Variants in PTPN12 observed in about 807,000 individuals in gnomAD.
PTPN12 encodes protein tyrosine phosphatase non-receptor type 12, also known as tyrosine-protein phosphatase non-receptor type 12.
A neutral mutation model predicts 97.6 loss-of-function variants in PTPN12; 29 were observed. That is an observed-to-expected ratio of 0.30 (90% CI 0.22 to 0.41). PTPN12 has a LOEUF of 0.41. Ranked by LOEUF, PTPN12 falls within the 10% of genes least tolerant of loss-of-function variation. The pLI, the probability that PTPN12 is intolerant of heterozygous loss-of-function variation, is 1.00. For missense variants in PTPN12, 819 were observed against 926.0 expected, an observed-to-expected ratio of 0.88 and a Z score of 1.50; for synonymous variants, 327 against 300.4, an observed-to-expected ratio of 1.09 and a Z score of -0.91.
chr7:77,602,907 A>G (rs936706370), intron 8 of PTPN12, among the ~76,000 whole-genome samples: 2 of 152,182 alleles, frequency 1.3e-5, no homozygotes, highest in Non-Finnish European at 2.9e-5. Flanking sequence ...TTTCAAACTT[A>G]AGAGATTTAT....
chr7:77,606,288 T>C (rs1332726514), intron 8 of PTPN12, among the ~76,000 whole-genome samples: 1 of 151,426 alleles, frequency 6.6e-6, no homozygotes, highest in African/African-American at 2.4e-5. Flanking sequence ...TAAATGTCTC[T>C]GTAAGACGTT....
At chr7:77,543,029 A>G (rs1311471532) in intron 1 of PTPN12, among the ~76,000 whole-genome samples, 1 of 152,068 alleles carries the variant, frequency 6.6e-6, no homozygotes. Flanking sequence ...TGTTCCTGAG[A>G]AGGTGTGGTC....
chr7:77,638,760 A>T (rs998847738), intron 17 of PTPN12, 29 bp downstream of exon 17: 1 of 1,587,336 alleles, frequency 6.3e-7, no homozygotes, highest in African/African-American at 1.4e-5. Flanking sequence ...AATTTTTAGT[A>T]AGTAGTTAAC....
At position 77,574,138 on chromosome 7, in the gene PTPN12, C is replaced by T. The variant is rs78375240; in HGVS notation, c.208+2952C>T. 3.0e-4 allele frequency among the ~76,000 whole-genome samples: 46 copies of T among 152,300 alleles called. 1 individual carries two copies. The highest frequency in any genetic ancestry group is 1.0e-3 in the African/African-American group (43 of 41,558). ...ATGTTAGTCAAGGTGATGGACGATA[C>T]ATATTAACATATATGGTCTGTCATG... On this transcript the variant is annotated intron_variant, in intron 2 of 17. Transcript: ENST00000248594.
chr7:77,571,845 A>C (rs1004425143), intron 2 of PTPN12, among the ~76,000 whole-genome samples: 3 of 152,130 alleles, frequency 2.0e-5, no homozygotes, highest in African/African-American at 7.2e-5. Context: ...GGTGTGAGCC[A>C]CTGCGCCCTG....
At chr7:77,552,889 A>C (rs183270077) in intron 1 of PTPN12, among the ~76,000 whole-genome samples, 91 of 152,286 alleles carry the variant, frequency 6.0e-4, no homozygotes, top group African/African-American at 2.2e-3. Flanking sequence ...GTAATGTTTG[A>C]ATTAGTAAGA....
intron 12 of PTPN12, among the ~76,000 whole-genome samples, chr7:77,619,864 C>T (rs181363809): frequency 6.6e-6 from 1 of 152,178 alleles, no homozygotes; most frequent in East Asian, 1.9e-4. Context: ...GGTTAGGTCT[C>T]AACATTTAAA....
chr7:77,583,160 G>A (rs1416252134), intron 3 of PTPN12, among the ~76,000 whole-genome samples: 1 of 152,156 alleles, frequency 6.6e-6, no homozygotes, highest in Non-Finnish European at 1.5e-5. Flanking sequence ...AGGTAGCTAT[G>A]GAAGAAACTA....
At chr7:77,625,514 T>TCACTCA (rs1789128583) in intron 12 of PTPN12, among the ~76,000 whole-genome samples, 1 of 105,634 alleles carries the variant, frequency 9.5e-6, no homozygotes, top group African/African-American at 3.6e-5. Context: ...TCTCTCTCTC[T>TCACTCA]CTCTCTCTCA....
chr7:77,560,175 AAATATTTTTTGGG>A (rs1220088735), intron 1 of PTPN12, among the ~76,000 whole-genome samples: 7 of 152,200 alleles, frequency 4.6e-5, no homozygotes, highest in Non-Finnish European at 1.0e-4. Context: ...GCAAACTTAA[AAATATTTTTTGGG>A]AATATCATAA....
chr7:77,575,299 G>C (rs1787303374), intron 2 of PTPN12, among the ~76,000 whole-genome samples: 1 of 152,034 alleles, frequency 6.6e-6, no homozygotes, highest in Non-Finnish European at 1.5e-5. Flanking sequence ...AGACCAGCCT[G>C]GGCAACATAG....
intron 1 of PTPN12, among the ~76,000 whole-genome samples, chr7:77,541,019 T>C (rs532506959): frequency 6.6e-6 from 1 of 152,382 alleles, no homozygotes; most frequent in African/African-American, 2.4e-5. Context: ...CTTTTCGCTC[T>C]ATCCAGCTGT....
intron 1 of PTPN12, among the ~76,000 whole-genome samples, chr7:77,544,289 A>G (rs895138305): frequency 6.6e-6 from 1 of 152,148 alleles, no homozygotes; most frequent in African/African-American, 2.4e-5. Flanking sequence ...AGTGATAGGA[A>G]ATATTTTCCA....
chr7:77,622,211 T>TC (rs1788964716), intron 12 of PTPN12, among the ~76,000 whole-genome samples: 1 of 152,184 alleles, frequency 6.6e-6, no homozygotes, highest in Non-Finnish European at 1.5e-5. Flanking sequence ...CATTTTGGCC[T>TC]CCCAAAGTGC....
chr7:77,546,468 A>G (rs1228021870), intron 1 of PTPN12, among the ~76,000 whole-genome samples: 1 of 152,218 alleles, frequency 6.6e-6, no homozygotes, highest in Non-Finnish European at 1.5e-5. Flanking sequence ...TATTTCCTGT[A>G]GTATTTAAGT....
At chr7:77,608,372 T>A (rs1788447498) in intron 9 of PTPN12, among the ~76,000 whole-genome samples, 1 of 152,254 alleles carries the variant, frequency 6.6e-6, no homozygotes, top group Admixed American at 6.5e-5. Context: ...TTACTGTTGC[T>A]GTTGTGATTG....
At chr7:77,627,836 T>C (rs1462348523) in intron 13 of PTPN12, among the ~76,000 whole-genome samples, 161 bp downstream of exon 13, 1 of 152,242 alleles carries the variant, frequency 6.6e-6, no homozygotes, top group Non-Finnish European at 1.5e-5. Flanking sequence ...AAGCTTTTAA[T>C]GTATTGTTAA....
intron 8 of PTPN12, 44 bp downstream of exon 8, chr7:77,600,850 T>C (rs560112880): frequency 6.8e-7 from 1 of 1,465,474 alleles, no homozygotes; most frequent in Admixed American, 2.1e-5. Context: ...TATTTAAGTT[T>C]GATGTTACAC....
At chr7:77,593,673 CATT>C (rs1304572877) in intron 6 of PTPN12, among the ~76,000 whole-genome samples, 2 of 152,190 alleles carry the variant, frequency 1.3e-5, no homozygotes, top group African/African-American at 4.8e-5. Flanking sequence ...GGCCCAACAA[CATT>C]ATGGAGGACA....
Sources: allele counts gnomAD v4.1 joint callset (sites outside exome capture counted in the v4.1 genomes callset), GRCh38; gene constraint gnomAD v4.1.1; transcripts MANE v1.5; gene names NCBI Gene and HGNC (gene_info 2026-07-23, HGNC 2026-07-21).